The following TXLNG variants were observed in gnomAD, a reference collection of about 807,000 sequenced individuals.
The protein encoded by TXLNG is taxilin gamma.
Under a neutral mutation model 38.8 loss-of-function variants are expected in TXLNG, and 5 were observed. The ratio of observed to expected loss-of-function variants is 0.13; its 90% CI spans 0.07 to 0.27. The LOEUF is 0.27. TXLNG is among the 10% of genes least tolerant of loss of function. TXLNG has a pLI of 1.00. For synonymous variants in TXLNG, 182 were observed against 158.2 expected, an observed-to-expected ratio of 1.15 and a Z score of -1.13; for missense variants, 393 against 398.2, an observed-to-expected ratio of 0.99 and a Z score of 0.11.
chrX:16,840,826 G>C (rs1395198304), intron 9 of TXLNG, among the ~76,000 whole-genome samples: 3 of 111,854 alleles, frequency 2.7e-5, no homozygotes, highest in Non-Finnish European at 5.6e-5. Context: ...CTATGTAGAA[G>C]TGAGTCATTT....
intron 5 of TXLNG, 49 bp downstream of exon 5, chrX:16,829,819 G>A: frequency 1.7e-6 from 2 of 1,145,974 alleles, no homozygotes; most frequent in Non-Finnish European, 2.4e-6. Context: ...TAGCAAAAGT[G>A]TCACCATTCA....
Position 16,841,923 on chromosome X carries a change from A to G in TXLNG, c.*157A>G, listed in dbSNP as rs1929861621. The G allele has an allele frequency of 1.7e-6, 1 of 585,898 alleles. No individual in the cohort carries two copies. Among genetic ancestry groups the G allele is most frequent in the East Asian group, 3.6e-5 (1 of 27,743 alleles). The allele number at this position is 585,898 out of a possible 1,213,427, so 48.3% of individuals were successfully genotyped here. A position where few individuals can be genotyped will look rare whatever the true frequency, so the allele number is the denominator to read the frequency against. On this transcript the variant is annotated 3_prime_UTR_variant, in exon 10 of 10. Coordinates refer to ENST00000380122, the MANE Select transcript of TXLNG (RefSeq NM_018360.3). Reference sequence around the variant, plus strand: ...ACTTATGTGGTACAGGAGGCTGCTTAGCAGTTTTGAATAGTTTAATCTATA... The same window carrying G: ...ACTTATGTGGTACAGGAGGCTGCTTGGCAGTTTTGAATAGTTTAATCTATA...
intron 1 of TXLNG, among the ~76,000 whole-genome samples, chrX:16,788,212 G>C (rs1002898932): frequency 8.0e-5 from 9 of 112,184 alleles, no homozygotes; most frequent in African/African-American, 2.9e-4. Context: ...GAGGATATAA[G>C]TTCCCTTTTA....
intron 1 of TXLNG, among the ~76,000 whole-genome samples, chrX:16,798,370 A>G (rs2147462941): frequency 8.9e-6 from 1 of 112,174 alleles, no homozygotes; most frequent in African/African-American, 3.2e-5. Context: ...ATCATTGGCA[A>G]CAAGTACTGT....
Position 16,802,447 on chromosome X carries a change from C to T in TXLNG, c.102+15858C>T, listed in dbSNP as rs182225934. Among the ~76,000 whole-genome samples, 870 of 109,692 alleles carry T rather than the reference C, an allele frequency of 7.9e-3. 13 individuals carry two copies. Among genetic ancestry groups the T allele is most frequent in the African/African-American group, 0.028 (830 of 30,076 alleles). ...TGTATTTTTAGTAGAGGCAGGGTTT[C>T]GCCATGTTGGCCAGGCTGGTCTTGA... On this transcript the variant is annotated intron_variant, in intron 1 of 9. Coordinates refer to ENST00000380122, the MANE Select transcript of TXLNG (RefSeq NM_018360.3).
chrX:16,820,076 G>T, intron 2 of TXLNG, 88 bp from the exon 3 acceptor site: 1 of 682,086 alleles, frequency 1.5e-6, no homozygotes, highest in East Asian at 3.4e-5. Context: ...TACTCTGGAT[G>T]TCAGAGCACG....
intron 5 of TXLNG, among the ~76,000 whole-genome samples, chrX:16,830,855 G>A (rs1475289033): frequency 1.1e-5 from 1 of 93,427 alleles, no homozygotes; most frequent in Non-Finnish European, 2.1e-5. Context: ...GTGTGTGTGT[G>A]TGTGTGTGTG....
At chrX:16,815,257 C>A (rs1388247422) in intron 1 of TXLNG, among the ~76,000 whole-genome samples, 1 of 111,021 alleles carries the variant, frequency 9.0e-6, no homozygotes, top group Non-Finnish European at 1.9e-5. Context: ...CTCACGGCAA[C>A]CTCCGCCTCC....
intron 1 of TXLNG, among the ~76,000 whole-genome samples, chrX:16,795,487 G>A (rs1305570646): frequency 1.8e-5 from 2 of 111,776 alleles, no homozygotes; most frequent in African/African-American, 6.5e-5. Flanking sequence ...ACCTTTCCCG[G>A]ATCCTTTTAC....
intron 1 of TXLNG, among the ~76,000 whole-genome samples, chrX:16,815,816 C>T (rs1005391346): frequency 3.6e-5 from 4 of 109,957 alleles, no homozygotes; most frequent in African/African-American, 6.6e-5. Flanking sequence ...TGAGCCACTG[C>T]GCCTGTCCGA....
chrX:16,807,317 G>C (rs1202596243), intron 1 of TXLNG, among the ~76,000 whole-genome samples: 3 of 111,706 alleles, frequency 2.7e-5, no homozygotes, highest in South Asian at 7.4e-4. Context: ...ATTTAATTTA[G>C]ATTTATTTTG....
At chrX:16,802,520 C>T (rs1215706863) in intron 1 of TXLNG, among the ~76,000 whole-genome samples, 4 of 110,073 alleles carry the variant, frequency 3.6e-5, no homozygotes, top group African/African-American at 1.3e-4. Flanking sequence ...CAAAGTGCAC[C>T]TGGCCCCTTT....
intron 1 of TXLNG, among the ~76,000 whole-genome samples, chrX:16,802,731 TTTTTAAAAAA>T (rs1208542063): frequency 1.8e-5 from 2 of 111,586 alleles, no homozygotes; most frequent in Non-Finnish European, 3.8e-5. Flanking sequence ...TAAAAGGTCT[TTTTTAAAAAA>T]TAAAAGTAAT....
chrX:16,822,420 GC>G (rs1358861828), intron 3 of TXLNG, among the ~76,000 whole-genome samples: 1 of 111,647 alleles, frequency 9.0e-6, no homozygotes, highest in African/African-American at 3.3e-5. Flanking sequence ...GCATTCAGCA[GC>G]TTGGCACCTT....
At chrX:16,825,001 T>TTAG (rs1270486879) in intron 3 of TXLNG, among the ~76,000 whole-genome samples, 4 of 110,840 alleles carry the variant, frequency 3.6e-5, no homozygotes, top group Non-Finnish European at 7.5e-5. Context: ...AGCAGGCGAT[T>TTAG]TAGTATCAAG....
At chrX:16,789,208 G>C (rs1218241774) in intron 1 of TXLNG, among the ~76,000 whole-genome samples, 1 of 111,253 alleles carries the variant, frequency 9.0e-6, no homozygotes, top group Non-Finnish European at 1.9e-5. Context: ...GGAACAATTG[G>C]AGATGGGCTT....
At chrX:16,824,224 G>A (rs1015993250) in intron 3 of TXLNG, among the ~76,000 whole-genome samples, 3 of 111,597 alleles carry the variant, frequency 2.7e-5, no homozygotes, top group African/African-American at 9.8e-5. Flanking sequence ...ACACACGCCT[G>A]TAGTCTCAGC....
Position 16,789,226 on chromosome X carries a change from T to A in TXLNG, c.102+2637T>A, listed in dbSNP as rs1264150407. Among the ~76,000 whole-genome samples, 5 of 111,350 alleles carry A rather than the reference T, an allele frequency of 4.5e-5. No homozygotes were observed. The East Asian group carries it at 1.4e-3, about 31-fold the overall frequency. Reference sequence around the variant, plus strand: ...ACAATTGGAGATGGGCTTTTTTGGTTCCTGGTTGCTTTAACCATCTGCCTA... The same window carrying A: ...ACAATTGGAGATGGGCTTTTTTGGTACCTGGTTGCTTTAACCATCTGCCTA... On this transcript the variant is annotated intron_variant, in intron 1 of 9. Transcript: ENST00000380122.
chrX:16,843,854 T>C lies in TXLNG; in HGVS notation c.*2088T>C, dbSNP rs989175994. ...ATGGATTCTGTCTGGGATGCATTTG[T>C]TGTCCTTTCAGAACCCTTCCTCCCA... On this transcript the variant is annotated 3_prime_UTR_variant, in exon 10 of 10. Coordinates refer to ENST00000380122, the MANE Select transcript of TXLNG (RefSeq NM_018360.3). 1 of 111,913 alleles carries C rather than the reference T, an allele frequency of 8.9e-6. No individual in the cohort carries two copies. Among genetic ancestry groups the C allele is most frequent in the Non-Finnish European group, 1.9e-5 (1 of 53,227 alleles). 9.2% of individuals were successfully genotyped at this position (111,913 alleles called of 1,213,427 possible). A position where few individuals can be genotyped will look rare whatever the true frequency, so the allele number is the denominator to read the frequency against.
Sources: gnomAD v4.1 joint callset for allele counts (sites outside exome capture counted in the v4.1 genomes callset) on GRCh38, gnomAD v4.1.1 for gene constraint, MANE v1.5 for transcripts, NCBI Gene and HGNC (gene_info 2026-07-23, HGNC 2026-07-21) for gene names.